The following DIP2B variants were observed in gnomAD, a reference collection of about 807,000 sequenced individuals.
DIP2B encodes DIP2 acetate--CoA ligase B (putative).
In DIP2B, 76 loss-of-function variants were observed where a neutral mutation model predicts 198.0. That is an observed-to-expected ratio of 0.38 (90% CI 0.32 to 0.46). The LOEUF (loss-of-function observed/expected upper bound fraction) is 0.46. DIP2B is among the 20% of genes least tolerant of loss of function. DIP2B has a pLI of 0.99. For missense variants in DIP2B, 1,559 were observed against 1,978.4 expected, an observed-to-expected ratio of 0.79 and a Z score of 4.02; for synonymous variants, 701 against 739.1, an observed-to-expected ratio of 0.95 and a Z score of 0.84.
intron 1 of DIP2B, among the ~76,000 whole-genome samples, chr12:50,593,574 C>G (rs765591441): frequency 1.3e-5 from 2 of 151,236 alleles, no homozygotes; most frequent in Non-Finnish European, 2.9e-5. Context: ...ATTATTCCAC[C>G]CATTTTGCAG....
intron 22 of DIP2B, among the ~76,000 whole-genome samples, chr12:50,710,702 G>A (rs1004079996): frequency 6.6e-6 from 1 of 152,184 alleles, no homozygotes; most frequent in Non-Finnish European, 1.5e-5. Flanking sequence ...TGGGATTATA[G>A]ATGTGAGCCA....
At chr12:50,660,100 T>C in intron 3 of DIP2B, 94 bp from the exon 4 acceptor site, 1 of 1,240,374 alleles carries the variant, frequency 8.1e-7, no homozygotes, top group Non-Finnish European at 1.0e-6. Flanking sequence ...CTTTTTTTTT[T>C]TTTTTAAACA....
chr12:50,731,895 T>G (rs1013343337), intron 31 of DIP2B, among the ~76,000 whole-genome samples: 11 of 152,170 alleles, frequency 7.2e-5, no homozygotes, highest in African/African-American at 2.4e-4. Context: ...TCTCCAAAGA[T>G]AAGGGTAACT....
chr12:50,666,894 C>T (rs550757704), intron 4 of DIP2B, among the ~76,000 whole-genome samples: 45 of 152,190 alleles, frequency 3.0e-4, no homozygotes, highest in Non-Finnish European at 4.3e-4. Flanking sequence ...TGGTGGCGGG[C>T]GCCTGTAGTC....
At position 50,527,242 on chromosome 12, in the gene DIP2B, G is replaced by A. The variant is rs534297620; in HGVS notation, c.100+22002G>A. ...CTTTGGTCAGTTTATTCTAGTTTAT[G>A]CAAACAGTGTGGCCAACTACCAAGG... On this transcript the variant is annotated intron_variant, in intron 1 of 37. Coordinates refer to ENST00000301180, the MANE Select transcript of DIP2B (RefSeq NM_173602.3). Among the ~76,000 whole-genome samples the A allele has an allele frequency of 3.3e-5, 5 of 152,282 alleles. No homozygotes were observed. In the South Asian group the frequency reaches 8.3e-4, roughly 25 times the overall value.
At position 50,735,118 on chromosome 12, in the gene DIP2B, A is replaced by G. The variant is rs773512225; in HGVS notation, c.4089A>G (p.Ser1363=). Residue 1363 remains serine (S), a synonymous_variant, in exon 34 of 38, where the codon TCA becomes TCG. Transcript: ENST00000301180. ...ERGAPQSLLL[S]ESGKILPGVK... The stretch of plus-strand genomic sequence containing the variant: ...GCGCCCCTCAGAGTTTGCTTCTCTC[A>G]GAGTCTGGAAAGGTAATTTGTTCTG... 3 of 1,614,030 alleles carry G rather than the reference A, an allele frequency of 1.9e-6. No homozygotes were observed. In the Admixed American group the frequency reaches 5.0e-5, roughly 27 times the overall value.
At chr12:50,544,725 C>A (rs940052805) in intron 1 of DIP2B, among the ~76,000 whole-genome samples, 3 of 151,194 alleles carry the variant, frequency 2.0e-5, no homozygotes, top group African/African-American at 7.3e-5. Context: ...TCAAGCAATT[C>A]TCCTGCCTCA....
At chr12:50,722,563 A>G (rs1245679904) in intron 26 of DIP2B, among the ~76,000 whole-genome samples, 1 of 151,988 alleles carries the variant, frequency 6.6e-6, no homozygotes, top group Non-Finnish European at 1.5e-5. Flanking sequence ...TCATTATGTG[A>G]TTCTCATGTG....
At chr12:50,555,963 A>G (rs1159202347) in intron 1 of DIP2B, among the ~76,000 whole-genome samples, 1 of 152,068 alleles carries the variant, frequency 6.6e-6, no homozygotes, top group Admixed American at 6.6e-5. Context: ...ACCACACACC[A>G]ATCTTTAGAA....
At chr12:50,571,809 C>T (rs936645449) in intron 1 of DIP2B, among the ~76,000 whole-genome samples, 3 of 151,656 alleles carry the variant, frequency 2.0e-5, no homozygotes, top group South Asian at 4.2e-4. Flanking sequence ...CCTCCTGCCT[C>T]GGCCTCCCAA....
At chr12:50,657,609 T>C (rs1014902302) in intron 3 of DIP2B, among the ~76,000 whole-genome samples, 7 of 151,572 alleles carry the variant, frequency 4.6e-5, no homozygotes, top group Non-Finnish European at 1.0e-4. Flanking sequence ...CTGGGCAATG[T>C]AGTGACACCC....
chr12:50,598,558 C>T (rs535266615), intron 1 of DIP2B, among the ~76,000 whole-genome samples: 9 of 151,978 alleles, frequency 5.9e-5, no homozygotes, highest in South Asian at 2.1e-4. Flanking sequence ...ACTGCCACTG[C>T]GTCATCTCTC....
At chr12:50,731,305 G>T in intron 30 of DIP2B, 64 bp from the exon 31 acceptor site, 6 of 1,563,304 alleles carry the variant, frequency 3.8e-6, no homozygotes, top group Non-Finnish European at 5.2e-6. Flanking sequence ...GAATTGGTGG[G>T]GTTCTGAAGC....
intron 28 of DIP2B, 57 bp from the exon 29 acceptor site, chr12:50,727,646 A>G (rs990799613): frequency 1.3e-5 from 19 of 1,510,762 alleles, no homozygotes; most frequent in African/African-American, 1.1e-4. Flanking sequence ...CAGAAGAGCA[A>G]TGATTTTCAT....
At chr12:50,657,556 C>T (rs1938575543) in intron 3 of DIP2B, among the ~76,000 whole-genome samples, 1 of 151,586 alleles carries the variant, frequency 6.6e-6, no homozygotes, top group South Asian at 2.1e-4. Context: ...ATTTTGGGGG[C>T]TGAAGCAGGA....
intron 1 of DIP2B, among the ~76,000 whole-genome samples, chr12:50,506,239 T>G (rs1020229223): frequency 1.3e-5 from 2 of 152,172 alleles, no homozygotes; most frequent in Non-Finnish European, 2.9e-5. Context: ...AGTACTTTGA[T>G]TGTGTCTCCA....
intron 2 of DIP2B, among the ~76,000 whole-genome samples, chr12:50,627,875 T>G (rs1937966386): frequency 6.6e-6 from 1 of 152,224 alleles, no homozygotes; most frequent in African/African-American, 2.4e-5. Context: ...ATCTGTCCCC[T>G]TCCATGATTA....
chr12:50,723,153 G>T, intron 26 of DIP2B, 49 bp from the exon 27 acceptor site: 1 of 1,603,322 alleles, frequency 6.2e-7, no homozygotes. Flanking sequence ...GTTTCTCAGT[G>T]CTCTTAGGCA....
In DIP2B at chr12:50,698,268, A is replaced by AT. The variant is rs1939353596; in HGVS notation, c.2049-57dup. 2.6e-6 allele frequency: 4 copies of AT among 1,560,284 alleles called. No individual in the cohort carries two copies. The East Asian group carries it at 9.1e-5, about 35-fold the overall frequency. ...CCAGAGGAAATTTGTCTTCCTATGT[A>AT]TTTGTATTTTTCCCTTGATGTTATT... is the stretch of plus-strand genomic sequence containing the variant. On this transcript the variant is annotated intron_variant, in intron 17 of 37. Coordinates refer to ENST00000301180, the MANE Select transcript of DIP2B (RefSeq NM_173602.3).
Sources: gnomAD v4.1 joint callset for allele counts (sites outside exome capture counted in the v4.1 genomes callset) on GRCh38, gnomAD v4.1.1 for gene constraint, MANE v1.5 for transcripts, NCBI Gene and HGNC (gene_info 2026-07-23, HGNC 2026-07-21) for gene names.